Variants in FGF14 observed in about 807,000 individuals in gnomAD.
The protein encoded by FGF14 is fibroblast growth factor homologous factor 4.
Under a neutral mutation model 25.5 loss-of-function variants are expected in FGF14, and 5 were observed. That is an observed-to-expected ratio of 0.20 (90% CI 0.10 to 0.41). The LOEUF (loss-of-function observed/expected upper bound fraction) is 0.41. Among genes scored for constraint, FGF14 ranks in the 10% least tolerant of loss-of-function variants. The pLI is 1.00. For synonymous variants in FGF14, 138 were observed against 118.3 expected, an observed-to-expected ratio of 1.17 and a Z score of -1.08; for missense variants, 222 against 320.1, an observed-to-expected ratio of 0.69 and a Z score of 2.34.
Position 101,716,616 on chromosome 13 carries a change from T to C in FGF14, c.*6215A>G, listed in dbSNP as rs2034732694. ...TTTATTCCATGGTAGTGTGGCCTTT[T>C]AAAAAGACAATATTGAGTTACATAT... On this transcript the variant is annotated 3_prime_UTR_variant, in exon 5 of 5. Transcript: ENST00000376143. The C allele has an allele frequency of 6.6e-6, 1 of 152,072 alleles. No individual in the cohort carries two copies. Among genetic ancestry groups the C allele is most frequent in the Admixed American group, 6.6e-5 (1 of 15,258 alleles). 9.4% of individuals were successfully genotyped at this position (152,072 alleles called of 1,614,324 possible). A position where few individuals can be genotyped will look rare whatever the true frequency, so the allele number is the denominator to read the frequency against.
chr13:102,352,792 A>C (rs547764911), intron 1 of FGF14, among the ~76,000 whole-genome samples: 1 of 149,394 alleles, frequency 6.7e-6, no homozygotes, highest in Non-Finnish European at 1.5e-5. Context: ...AGCCTGGGCG[A>C]CAGAGCGAGA....
At chr13:102,215,392 T>C (rs1444265236) in intron 1 of FGF14, among the ~76,000 whole-genome samples, 2 of 152,262 alleles carry the variant, frequency 1.3e-5, no homozygotes, top group Non-Finnish European at 2.9e-5. Context: ...AAGCTGGCAC[T>C]GCTTTTTACT....
intron 1 of FGF14, among the ~76,000 whole-genome samples, chr13:102,084,282 T>C (rs2043783310): frequency 1.3e-5 from 2 of 152,252 alleles, no homozygotes; most frequent in Non-Finnish European, 2.9e-5. Flanking sequence ...ATTGTAATTA[T>C]TCTTGCCCTA....
At chr13:102,304,261 C>T (rs1051577902) in intron 1 of FGF14, among the ~76,000 whole-genome samples, 2 of 152,088 alleles carry the variant, frequency 1.3e-5, no homozygotes, top group Non-Finnish European at 2.9e-5. Flanking sequence ...AAGGAAGCAG[C>T]TACCCTGAGA....
chr13:102,285,586 T>C (rs2141235937), intron 1 of FGF14, among the ~76,000 whole-genome samples: 1 of 152,346 alleles, frequency 6.6e-6, no homozygotes. Context: ...ACATTTCTAA[T>C]GATTTTTCTT....
intron 1 of FGF14, among the ~76,000 whole-genome samples, chr13:102,334,039 T>G (rs1356796409): frequency 6.6e-6 from 1 of 152,122 alleles, no homozygotes; most frequent in African/African-American, 2.4e-5. Context: ...AGGCCATCTG[T>G]TCAGGTCCCA....
At chr13:102,087,007 G>C (rs966471590) in intron 1 of FGF14, among the ~76,000 whole-genome samples, 1 of 152,198 alleles carries the variant, frequency 6.6e-6, no homozygotes, top group Non-Finnish European at 1.5e-5. Flanking sequence ...GCTCCTCTAT[G>C]AGCCTGGCTT....
chr13:101,830,811 T>C (rs1331615133), intron 3 of FGF14, among the ~76,000 whole-genome samples: 1 of 152,082 alleles, frequency 6.6e-6, no homozygotes, highest in Non-Finnish European at 1.5e-5. Context: ...ATGTTCCATT[T>C]TGGTGGCTCT....
At chr13:102,048,147 C>T (rs1160821806) in intron 1 of FGF14, among the ~76,000 whole-genome samples, 1 of 152,034 alleles carries the variant, frequency 6.6e-6, no homozygotes, top group Non-Finnish European at 1.5e-5. Context: ...TTTCTTTTGG[C>T]TGAATGGCCC....
rs1298813435 is a variant in FGF14, at chr13:101,722,666, CA to C, written c.*164del. 1.1e-6 allele frequency: 1 copy of C among 881,636 alleles called. No homozygotes were observed. The highest frequency in any genetic ancestry group is 1.7e-5 in the African/African-American group (1 of 60,244). The allele number at this position is 881,636 out of a possible 1,614,324, so 54.6% of individuals were successfully genotyped here. ...TGTCTTCTTGTTGTGGGGGGTGCAA[CA>C]GGTTGAGATTTATCCACTTGCAACA... On this transcript the variant is annotated 3_prime_UTR_variant, in exon 5 of 5. Transcript: ENST00000376143.
chr13:102,286,554 C>G (rs1264593556), intron 1 of FGF14, among the ~76,000 whole-genome samples: 1 of 152,154 alleles, frequency 6.6e-6, no homozygotes, highest in South Asian at 2.1e-4. Flanking sequence ...TCATAGTGCT[C>G]ATCATGGTGT....
chr13:102,335,922 G>T (rs1171116555), intron 1 of FGF14, among the ~76,000 whole-genome samples: 1 of 152,148 alleles, frequency 6.6e-6, no homozygotes, highest in Non-Finnish European at 1.5e-5. Context: ...CTGTGCCCAT[G>T]TAAGACCGTG....
intron 1 of FGF14, among the ~76,000 whole-genome samples, chr13:102,012,841 G>A (rs1043701861): frequency 1.2e-4 from 18 of 152,066 alleles, no homozygotes; most frequent in Admixed American, 7.2e-4. Context: ...TATGAAACCC[G>A]CCTCTTCTGG....
At chr13:102,123,361 G>C (rs1402018270) in intron 1 of FGF14, among the ~76,000 whole-genome samples, 1 of 152,108 alleles carries the variant, frequency 6.6e-6, no homozygotes, top group Non-Finnish European at 1.5e-5. Flanking sequence ...AATTAAGTTA[G>C]AAAATGAAGT....
intron 1 of FGF14, among the ~76,000 whole-genome samples, chr13:102,171,730 T>C (rs2048251488): frequency 6.6e-6 from 1 of 152,098 alleles, no homozygotes; most frequent in Non-Finnish European, 1.5e-5. Context: ...TAAAGATTTA[T>C]GTTGTCAGTC....
chr13:101,935,861 A>G (rs1337825451), intron 1 of FGF14, among the ~76,000 whole-genome samples: 1 of 152,154 alleles, frequency 6.6e-6, no homozygotes, highest in East Asian at 1.9e-4. Flanking sequence ...AGCTACCGTG[A>G]CTGATTAATT....
intron 1 of FGF14, among the ~76,000 whole-genome samples, chr13:101,928,137 A>G (rs1297378137): frequency 6.6e-6 from 1 of 152,336 alleles, no homozygotes; most frequent in East Asian, 1.9e-4. Flanking sequence ...GACACTCTGC[A>G]TGTGGAAGGA....
Position 102,134,319 on chromosome 13 carries a change from C to T in FGF14, c.209-259023G>A, listed in dbSNP as rs533048686. ...GAAAAAAAATCCCTAAGCAGTGTTG[C>T]TTGACCAGACCTGTGTGCTTGTCCC... On this transcript the variant is annotated intron_variant, in intron 1 of 4. Transcript: ENST00000376131. 2.6e-5 allele frequency among the ~76,000 whole-genome samples: 4 copies of T among 152,268 alleles called. No individual in the cohort carries two copies. In the East Asian group the frequency reaches 7.7e-4, roughly 29 times the overall value.
At chr13:102,213,754 A>G (rs898333621) in intron 1 of FGF14, among the ~76,000 whole-genome samples, 5 of 152,168 alleles carry the variant, frequency 3.3e-5, no homozygotes, top group African/African-American at 1.2e-4. Context: ...CTGCCTGCCA[A>G]CAGCCAAGCC....
Sources: gnomAD v4.1 joint callset for allele counts (sites outside exome capture counted in the v4.1 genomes callset) on GRCh38, gnomAD v4.1.1 for gene constraint, MANE v1.5 for transcripts, NCBI Gene and HGNC (gene_info 2026-07-23, HGNC 2026-07-21) for gene names.